Variants in FANCA observed in about 807,000 individuals in gnomAD.
FANCA encodes the protein Fanconi anemia group A protein.
A neutral mutation model predicts 194.3 loss-of-function variants in FANCA; 236 were observed. The ratio of observed to expected loss-of-function variants is 1.21; its 90% CI spans 1.09 to 1.35. The LOEUF (loss-of-function observed/expected upper bound fraction) is 1.35, where lower values mean the gene tolerates loss of function less well. Ranked by LOEUF, FANCA falls within the 40% of genes most tolerant of loss-of-function variation. FANCA has a pLI of 0.00. For synonymous variants in FANCA, 1,014 were observed against 715.8 expected (o/e 1.42, Z -6.65); for missense variants, 2,628 against 1,813.9 (o/e 1.45, Z -8.15).
intron 20 of FANCA, 143 bp from the exon 21 acceptor site, chr16:89,775,958 CA>C: frequency 2.4e-6 from 1 of 410,276 alleles, no homozygotes; most frequent in Non-Finnish European, 4.3e-6. Flanking sequence ...CCTGTTTTTA[CA>C]AAAAAATATT....
At chr16:89,808,263 C>T (rs774936485) in intron 6 of FANCA, 31 bp downstream of exon 6, 25 of 1,604,950 alleles carry the variant, frequency 1.6e-5, no homozygotes, top group Non-Finnish European at 2.1e-5. Context: ...ACTGCAAAAA[C>T]AGTAACACTG....
chr16:89,753,427 G>C (rs1232159369), intron 30 of FANCA, among the ~76,000 whole-genome samples: 1 of 152,048 alleles, frequency 6.6e-6, no homozygotes, highest in Admixed American at 6.6e-5. Context: ...CACAGGGAGA[G>C]ACCCACCGAC....
chr16:89,780,517 A>T (rs540521641), intron 17 of FANCA, among the ~76,000 whole-genome samples: 4 of 152,136 alleles, frequency 2.6e-5, no homozygotes, highest in African/African-American at 9.6e-5. Context: ...CCAGCTACTC[A>T]GGACGTGGAG....
chr16:89,739,383 C>T (rs2062063754), intron 40 of FANCA, 94 bp from the exon 41 acceptor site: 1 of 1,585,824 alleles, frequency 6.3e-7, no homozygotes, highest in Non-Finnish European at 8.6e-7. Flanking sequence ...AGCAGAGGCA[C>T]AGACAACCCT....
chr16:89,786,459 G>A (rs958438787), intron 14 of FANCA, among the ~76,000 whole-genome samples: 2 of 152,268 alleles, frequency 1.3e-5, no homozygotes, highest in Non-Finnish European at 2.9e-5. Context: ...TTACAGACAT[G>A]AGCCACCACG....
chr16:89,748,452 A>G lies in FANCA; in HGVS notation c.3348+207T>C, dbSNP rs561004359. ...ACTCAAACTTGGGAGAAGGCAACCTACAGCTGGTTTGGTGATGTGCTGGTC... is the reference window on the plus strand; with the variant it reads ...ACTCAAACTTGGGAGAAGGCAACCTGCAGCTGGTTTGGTGATGTGCTGGTC... On this transcript the variant is annotated intron_variant, in intron 33 of 42. Transcript: ENST00000389301. 7.2e-5 allele frequency among the ~76,000 whole-genome samples: 11 copies of G among 152,358 alleles called. 1 individual carries two copies. In the East Asian group the frequency reaches 1.7e-3, roughly 24 times the overall value.
At chr16:89,780,087 A>C in intron 17 of FANCA, 130 bp from the exon 18 acceptor site, 2 of 766,180 alleles carry the variant, frequency 2.6e-6, no homozygotes, top group Non-Finnish European at 2.2e-6. Flanking sequence ...AAAGGCCCAC[A>C]TGCTGTGCGC....
intron 5 of FANCA, 27 bp downstream of exon 5, chr16:89,810,680 G>A (rs1315666728): frequency 5.0e-6 from 7 of 1,395,108 alleles, no homozygotes; most frequent in Admixed American, 3.3e-5. Context: ...GAACACTGGA[G>A]AGTCAGATTT....
intron 20 of FANCA, among the ~76,000 whole-genome samples, chr16:89,776,600 G>A (rs1023046918): frequency 2.0e-5 from 3 of 152,054 alleles, no homozygotes; most frequent in Non-Finnish European, 2.9e-5. Context: ...GGCCGAGGCA[G>A]GCAGATCAGG....
intron 30 of FANCA, among the ~76,000 whole-genome samples, chr16:89,758,346 G>C (rs1370895389): frequency 6.6e-6 from 1 of 152,180 alleles, no homozygotes; most frequent in Non-Finnish European, 1.5e-5. Context: ...ATCGGTGTGT[G>C]ATGGTTAATA....
At chr16:89,806,657 G>A (rs1346307100) in intron 6 of FANCA, among the ~76,000 whole-genome samples, 2 of 152,126 alleles carry the variant, frequency 1.3e-5, no homozygotes, top group Non-Finnish European at 2.9e-5. Context: ...AGAGAGCACA[G>A]GGTTGGGGGC....
chr16:89,751,117 C>G (rs2038573520), intron 31 of FANCA, among the ~76,000 whole-genome samples: 1 of 152,064 alleles, frequency 6.6e-6, no homozygotes, highest in Admixed American at 6.6e-5. Flanking sequence ...GGTCTTGAGC[C>G]CCTGACCTCA....
intron 10 of FANCA, among the ~76,000 whole-genome samples, chr16:89,796,714 T>C (rs1233350593): frequency 6.6e-6 from 1 of 152,162 alleles, no homozygotes. Flanking sequence ...TTTATGCCGA[T>C]TCCCCAGGTA....
At chr16:89,773,521 T>C (rs1351094949) in intron 21 of FANCA, 137 bp from the exon 22 acceptor site, 2 of 693,002 alleles carry the variant, frequency 2.9e-6, no homozygotes, top group South Asian at 1.5e-5. Flanking sequence ...GGACTGGGAG[T>C]CTCTGAGGAG....
intron 28 of FANCA, 149 bp from the exon 29 acceptor site, chr16:89,762,171 AG>A: frequency 1.4e-6 from 1 of 715,096 alleles, no homozygotes; most frequent in East Asian, 2.6e-5. Context: ...TCCACAGGAA[AG>A]AAACCTTAGT....
intron 21 of FANCA, among the ~76,000 whole-genome samples, chr16:89,773,835 C>T (rs1223200746): frequency 4.7e-5 from 7 of 148,726 alleles, no homozygotes; most frequent in African/African-American, 1.0e-4. Flanking sequence ...TGCAGTGGTG[C>T]GATCTCGGCT....
At chr16:89,785,053 G>A in intron 14 of FANCA, 89 bp from the exon 15 acceptor site, 7 of 905,728 alleles carry the variant, frequency 7.7e-6, no homozygotes, top group Non-Finnish European at 1.3e-5. Context: ...AGAGCGTGAA[G>A]CCCAGGACAG....
chr16:89,738,132 C>A lies in FANCA; in HGVS notation c.*469G>T, dbSNP rs1323346918. On this transcript the variant is annotated 3_prime_UTR_variant, in exon 43 of 43. Transcript: ENST00000389301. ...TCAATGTACACATGTCCATGGTGCA[C>A]CCGCTGACACAGACCCAGGACAAGG... is the stretch of plus-strand genomic sequence containing the variant. The A allele has an allele frequency of 1.2e-6, 2 of 1,613,770 alleles. No homozygotes were observed. The highest frequency in any genetic ancestry group is 1.7e-6 in the Non-Finnish European group (2 of 1,180,032).
At chr16:89,746,536 C>G (rs890234860) in intron 35 of FANCA, 48 bp downstream of exon 35, 11 of 1,466,918 alleles carry the variant, frequency 7.5e-6, no homozygotes, top group African/African-American at 1.4e-5. Flanking sequence ...GCTGTGGAGT[C>G]TCCCACTCAT....
Sources: allele counts gnomAD v4.1 joint callset (sites outside exome capture counted in the v4.1 genomes callset), GRCh38; gene constraint gnomAD v4.1.1; transcripts MANE v1.5; gene names NCBI Gene and HGNC (gene_info 2026-07-23, HGNC 2026-07-21).